The following PCDH15 variants were observed in gnomAD, a reference collection of about 807,000 sequenced individuals.
PCDH15 encodes protocadherin-15.
PCDH15 carries 129 observed loss-of-function variants against 178.5 expected under a neutral mutation model. That is an observed-to-expected ratio of 0.72 (90% CI 0.63 to 0.84). The LOEUF (loss-of-function observed/expected upper bound fraction) is 0.84, where lower values mean the gene tolerates loss of function less well. Among genes scored for constraint, PCDH15 ranks in the 40% least tolerant of loss-of-function variants. The pLI is 0.00. For synonymous variants in PCDH15, 800 were observed against 732.0 expected (o/e 1.09, Z -1.50); for missense variants, 2,230 against 2,099.9 (o/e 1.06, Z -1.21).
chr10:54,754,942 C>CTTTTTTTTTTTTTTTTTTT (rs35143502), intron 1 of PCDH15, among the ~76,000 whole-genome samples: 1 of 33,858 alleles, frequency 3.0e-5, no homozygotes, highest in Non-Finnish European at 6.3e-5. Flanking sequence ...GTTTTTCTTT[C>CTTTTTTTTTTTTTTTTTTT]TTTTTTTTTT....
chr10:55,177,380 T>C (rs1296713253), intron 1 of PCDH15, among the ~76,000 whole-genome samples: 1 of 152,122 alleles, frequency 6.6e-6, no homozygotes, highest in Non-Finnish European at 1.5e-5. Context: ...GTCTTCCCAT[T>C]GGGAAGCCGT....
intron 13 of PCDH15, among the ~76,000 whole-genome samples, chr10:54,161,195 C>A (rs1269176078): frequency 6.6e-6 from 1 of 152,108 alleles, no homozygotes; most frequent in Non-Finnish European, 1.5e-5. Flanking sequence ...AAGATGGATT[C>A]TATTAAGTAA....
At chr10:54,660,978 G>A (rs555858952) in intron 2 of PCDH15, among the ~76,000 whole-genome samples, 6 of 151,750 alleles carry the variant, frequency 4.0e-5, no homozygotes, top group East Asian at 3.9e-4. Context: ...AATAAGAGCC[G>A]TCTATGACAA....
intron 2 of PCDH15, among the ~76,000 whole-genome samples, chr10:55,075,685 G>A (rs1360574535): frequency 6.6e-6 from 1 of 151,420 alleles, no homozygotes; most frequent in Non-Finnish European, 1.5e-5. Context: ...TCAAGAATCA[G>A]CTTTTTGTTT....
chr10:55,195,902 A>G (rs1748881725), intron 1 of PCDH15, among the ~76,000 whole-genome samples: 2 of 152,052 alleles, frequency 1.3e-5, no homozygotes, highest in Non-Finnish European at 2.9e-5. Context: ...CTTTGAAAAT[A>G]TGTAGTGCAA....
chr10:55,200,111 G>A (rs541408675), intron 1 of PCDH15, among the ~76,000 whole-genome samples: 63 of 152,152 alleles, frequency 4.1e-4, no homozygotes, highest in African/African-American at 1.4e-3. Context: ...ACTCAGAATG[G>A]TAGATCCACT....
At chr10:55,492,617 C>T (rs993175145) in intron 2 of PCDH15, among the ~76,000 whole-genome samples, 2 of 151,716 alleles carry the variant, frequency 1.3e-5, no homozygotes, top group Admixed American at 1.3e-4. Flanking sequence ...TCAATAATGA[C>T]TCAATGTAAG....
chr10:54,338,967 T>G (rs1470051910), intron 6 of PCDH15, among the ~76,000 whole-genome samples: 1 of 152,174 alleles, frequency 6.6e-6, no homozygotes, highest in Non-Finnish European at 1.5e-5. Context: ...TATATTTAGA[T>G]TTTTCCATAT....
chr10:54,530,313 C>T (rs905307300), intron 2 of PCDH15, among the ~76,000 whole-genome samples: 1 of 152,106 alleles, frequency 6.6e-6, no homozygotes, highest in Non-Finnish European at 1.5e-5. Context: ...CAGGAATCTG[C>T]CTACGCATCA....
chr10:54,637,062 A>T (rs1023070689), intron 2 of PCDH15, among the ~76,000 whole-genome samples: 1 of 151,062 alleles, frequency 6.6e-6, no homozygotes, highest in Non-Finnish European at 1.5e-5. Context: ...TCTACTCTGT[A>T]TCACTATATC....
At chr10:54,343,434 A>T (rs908889780) in intron 6 of PCDH15, among the ~76,000 whole-genome samples, 7 of 151,986 alleles carry the variant, frequency 4.6e-5, no homozygotes, top group African/African-American at 1.7e-4. Flanking sequence ...GCCATTTGGA[A>T]CTGTGAGTCA....
At chr10:55,582,801 T>C (rs1842650016) in intron 2 of PCDH15, among the ~76,000 whole-genome samples, 1 of 151,556 alleles carries the variant, frequency 6.6e-6, no homozygotes, top group Admixed American at 6.6e-5. Flanking sequence ...GGTCACTTTA[T>C]TAATGTGATA....
At chr10:54,130,163 C>T (rs1018133112) in intron 15 of PCDH15, among the ~76,000 whole-genome samples, 2 of 152,204 alleles carry the variant, frequency 1.3e-5, no homozygotes, top group Non-Finnish European at 1.5e-5. Context: ...AGTGAACATA[C>T]TCTGTTGATG....
At chr10:54,029,772 T>G (rs2093236403) in intron 18 of PCDH15, among the ~76,000 whole-genome samples, 2 of 152,164 alleles carry the variant, frequency 1.3e-5, no homozygotes, top group Non-Finnish European at 1.5e-5. Flanking sequence ...CCACCCCTTT[T>G]TTTCTCATTA....
chr10:55,163,499 G>C (rs1839115209), intron 2 of PCDH15, among the ~76,000 whole-genome samples: 1 of 152,048 alleles, frequency 6.6e-6, no homozygotes, highest in Non-Finnish European at 1.5e-5. Flanking sequence ...GAAAAATAAG[G>C]CTAAGACCTA....
intron 2 of PCDH15, among the ~76,000 whole-genome samples, chr10:54,530,185 G>A (rs558508392): frequency 8.6e-5 from 13 of 151,956 alleles, no homozygotes; most frequent in African/African-American, 1.9e-4. Flanking sequence ...CTCACTCTCC[G>A]CCTTTCCCAT....
rs540337994 is a variant in PCDH15 at position 54,358,865 on chromosome 10, C to T, written c.474+10255G>A. On this transcript the variant is annotated intron_variant, in intron 5 of 37. Coordinates refer to ENST00000644397, the MANE Select transcript of PCDH15 (RefSeq NM_001384140.1). ...GATGAGTTCATGTCCTTTGTAGGGA[C>T]ATGGATGAAACTGGAAATCATCATT... is the stretch of plus-strand genomic sequence containing the variant. 3.0e-3 allele frequency among the ~76,000 whole-genome samples: 449 copies of T among 151,950 alleles called. 2 individuals carry two copies. The highest frequency in any genetic ancestry group is 4.3e-3 in the Non-Finnish European group (290 of 67,966).
At chr10:54,035,269 C>T (rs766504386) in intron 18 of PCDH15, among the ~76,000 whole-genome samples, 49 of 151,940 alleles carry the variant, frequency 3.2e-4, no homozygotes, top group Non-Finnish European at 5.9e-4. Context: ...TTGTGCTTCA[C>T]GGACGTTGCA....
chr10:54,722,814 A>G (rs1941855807), intron 1 of PCDH15, among the ~76,000 whole-genome samples: 1 of 151,718 alleles, frequency 6.6e-6, no homozygotes, highest in African/African-American at 2.4e-5. Flanking sequence ...AATAAAATAA[A>G]ATACCTAGAG....
Sources: gnomAD v4.1 joint callset for allele counts (sites outside exome capture counted in the v4.1 genomes callset) on GRCh38, gnomAD v4.1.1 for gene constraint, MANE v1.5 for transcripts, NCBI Gene and HGNC (gene_info 2026-07-23, HGNC 2026-07-21) for gene names.